Variants in TRIO observed in about 807,000 individuals in gnomAD.
The protein encoded by TRIO is trio Rho guanine nucleotide exchange factor.
Under a neutral mutation model 351.9 loss-of-function variants are expected in TRIO, and 58 were observed. That is an observed-to-expected ratio of 0.16 (90% CI 0.13 to 0.21). The LOEUF (loss-of-function observed/expected upper bound fraction) is 0.21, where lower values mean the gene tolerates loss of function less well. Among genes scored for constraint, TRIO ranks in the 10% least tolerant of loss-of-function variants. TRIO has a pLI of 1.00. For missense variants in TRIO, 3,201 were observed against 4,027.8 expected, an observed-to-expected ratio of 0.79 and a Z score of 5.56; for synonymous variants, 1,758 against 1,595.7, an observed-to-expected ratio of 1.10 and a Z score of -2.42.
intron 10 of TRIO, 44 bp downstream of exon 10, chr5:14,330,944 T>C: frequency 6.2e-7 from 1 of 1,607,472 alleles, no homozygotes; most frequent in Non-Finnish European, 8.5e-7. Context: ...AATACCCGTG[T>C]GGTTGATTTT....
At chr5:14,301,163 T>C (rs1737846223) in intron 7 of TRIO, among the ~76,000 whole-genome samples, 1 of 152,058 alleles carries the variant, frequency 6.6e-6, no homozygotes, top group Non-Finnish European at 1.5e-5. Flanking sequence ...TTATCCAAGT[T>C]CTCCTCTTAA....
chr5:14,326,869 A>G (rs1191203648), intron 9 of TRIO, among the ~76,000 whole-genome samples: 1 of 152,240 alleles, frequency 6.6e-6, no homozygotes, highest in Non-Finnish European at 1.5e-5. Flanking sequence ...ACTTAGAATC[A>G]ACAGCCTCAT....
chr5:14,482,908 C>G (rs1166725303), intron 46 of TRIO, 135 bp downstream of exon 46: 1 of 850,168 alleles, frequency 1.2e-6, no homozygotes, highest in Non-Finnish European at 1.7e-6. Context: ...ATTTCAGAGC[C>G]TTGAATTCAC....
At chr5:14,170,939 T>A (rs980203406) in intron 1 of TRIO, among the ~76,000 whole-genome samples, 5 of 152,188 alleles carry the variant, frequency 3.3e-5, no homozygotes, top group Non-Finnish European at 7.3e-5. Context: ...ATATACAATT[T>A]CAGTGTTAGA....
chr5:14,232,214 C>T (rs1793478032), intron 1 of TRIO, among the ~76,000 whole-genome samples: 1 of 152,158 alleles, frequency 6.6e-6, no homozygotes, highest in Admixed American at 6.5e-5. Flanking sequence ...CATATTTCTG[C>T]CATATGGGGG....
intron 10 of TRIO, among the ~76,000 whole-genome samples, chr5:14,334,738 C>T (rs188107671): frequency 2.0e-5 from 3 of 152,318 alleles, no homozygotes; most frequent in East Asian, 1.9e-4. Flanking sequence ...TCCGAGGTGA[C>T]GCTCAGCTGG....
intron 38 of TRIO, among the ~76,000 whole-genome samples, chr5:14,472,326 G>C (rs1252714253): frequency 6.6e-6 from 1 of 152,186 alleles, no homozygotes; most frequent in Non-Finnish European, 1.5e-5. Flanking sequence ...TGTTGTCCCT[G>C]TATGTGATCA....
At chr5:14,239,500 C>T (rs534059039) in intron 1 of TRIO, among the ~76,000 whole-genome samples, 10 of 152,246 alleles carry the variant, frequency 6.6e-5, no homozygotes, top group South Asian at 2.1e-4. Context: ...GTGTCGTGCA[C>T]GTAATGACTT....
At chr5:14,274,570 A>G (rs771938016) in intron 2 of TRIO, among the ~76,000 whole-genome samples, 41 of 152,140 alleles carry the variant, frequency 2.7e-4, no homozygotes, top group Middle Eastern at 3.4e-3. Context: ...TCATTTATTA[A>G]CTTGGATATC....
chr5:14,325,795 A>G (rs770839369), intron 9 of TRIO, among the ~76,000 whole-genome samples: 49 of 152,358 alleles, frequency 3.2e-4, no homozygotes, highest in African/African-American at 1.2e-3. Flanking sequence ...ATAATTTTAC[A>G]AATAGCTTAT....
At chr5:14,405,778 C>A in intron 31 of TRIO, 70 bp from the exon 32 acceptor site, 2 of 1,486,536 alleles carry the variant, frequency 1.3e-6, no homozygotes, top group South Asian at 1.5e-5. Flanking sequence ...TGCAGGAAAC[C>A]TGGGTGTGGT....
At chr5:14,294,752 G>A (rs897038982) in intron 6 of TRIO, among the ~76,000 whole-genome samples, 3 of 152,184 alleles carry the variant, frequency 2.0e-5, no homozygotes, top group Admixed American at 6.5e-5. Flanking sequence ...GTAAACTGGG[G>A]GTAATACCTG....
intron 25 of TRIO, 141 bp downstream of exon 25, chr5:14,389,539 C>G: frequency 3.5e-6 from 2 of 574,234 alleles, no homozygotes; most frequent in South Asian, 2.6e-5. Flanking sequence ...CAGTCTTTCT[C>G]CAAAAAGACT....
chr5:14,197,328 C>T (rs1790841835), intron 1 of TRIO, among the ~76,000 whole-genome samples: 1 of 152,200 alleles, frequency 6.6e-6, no homozygotes, highest in Non-Finnish European at 1.5e-5. Context: ...ATCCCCAGCT[C>T]CGTCCTCAGC....
At chr5:14,282,423 A>T (rs2152278189) in intron 3 of TRIO, among the ~76,000 whole-genome samples, 1 of 152,320 alleles carries the variant, frequency 6.6e-6, no homozygotes, top group South Asian at 2.1e-4. Flanking sequence ...ACTCTTGTGA[A>T]TTTGAATACT....
In TRIO at chr5:14,396,443, C is replaced by CTTTTTTTTTTTTTTTTTTTTT. The variant is rs1173121592; in HGVS notation, c.4312-576_4312-556dup. Among the ~76,000 whole-genome samples the CTTTTTTTTTTTTTTTTTTTTT allele has an allele frequency of 1.9e-4, 8 of 41,556 alleles. 2 individuals are homozygous for CTTTTTTTTTTTTTTTTTTTTT. The highest frequency in any genetic ancestry group is 2.6e-3 in the East Asian group (2 of 762). The allele number at this position is 41,556 out of a possible 152,430, so 27.3% of individuals were successfully genotyped here. On this transcript the variant is annotated intron_variant, in intron 28 of 56. Coordinates refer to ENST00000344204, the MANE Select transcript of TRIO (RefSeq NM_007118.4). ...ATAATAATTAAATATTTCTATTTATCTTTTTTTTTTTTTTTTTTTTTTTTT... is the reference window on the plus strand; with the variant it reads ...ATAATAATTAAATATTTCTATTTATCTTTTTTTTTTTTTTTTTTTTTTTTTTTTTTTTTTTTTTTTTTTTTT...
At chr5:14,165,445 T>G (rs557696849) in intron 1 of TRIO, among the ~76,000 whole-genome samples, 1 of 152,238 alleles carries the variant, frequency 6.6e-6, no homozygotes, top group East Asian at 1.9e-4. Flanking sequence ...GATTTCATTC[T>G]TTTTTAATCA....
At chr5:14,230,003 G>A (rs1442033162) in intron 1 of TRIO, among the ~76,000 whole-genome samples, 5 of 152,184 alleles carry the variant, frequency 3.3e-5, no homozygotes, top group Non-Finnish European at 5.9e-5. Context: ...CTTGTGACCA[G>A]TCTGCAGATC....
intron 34 of TRIO, among the ~76,000 whole-genome samples, chr5:14,421,156 T>C (rs988720577): frequency 1.3e-5 from 2 of 152,152 alleles, no homozygotes; most frequent in Non-Finnish European, 2.9e-5. Flanking sequence ...TGTGAACTTA[T>C]GCCAGCCAGT....
Sources: allele counts gnomAD v4.1 joint callset (sites outside exome capture counted in the v4.1 genomes callset), GRCh38; gene constraint gnomAD v4.1.1; transcripts MANE v1.5; gene names NCBI Gene and HGNC (gene_info 2026-07-23, HGNC 2026-07-21).